Variants in KCNQ1 observed in about 807,000 individuals in gnomAD.
KCNQ1 encodes potassium voltage-gated channel subfamily KQT member 1.
In KCNQ1, 49 loss-of-function variants were observed where a neutral mutation model predicts 72.4. The observed-to-expected ratio is 0.68, with a 90% CI of 0.54 to 0.86. The LOEUF is 0.86. Ranked by LOEUF, KCNQ1 falls within the 40% of genes least tolerant of loss-of-function variation. The probability of loss-of-function intolerance (pLI) is 0.00; values close to 1 mark genes in which losing one functional copy is unlikely to be tolerated. For synonymous variants in KCNQ1, 450 were observed against 412.6 expected, an observed-to-expected ratio of 1.09 and a Z score of -1.10; for missense variants, 790 against 945.1, an observed-to-expected ratio of 0.84 and a Z score of 2.15.
intron 6 of KCNQ1, among the ~76,000 whole-genome samples, chr11:2,576,323 G>A (rs1848422178): frequency 6.6e-6 from 1 of 152,214 alleles, no homozygotes; most frequent in African/African-American, 2.4e-5. Flanking sequence ...CAACTTGGAT[G>A]TGAGAACTCT....
chr11:2,731,176 A>G (rs563272210), intron 11 of KCNQ1, among the ~76,000 whole-genome samples: 6 of 152,272 alleles, frequency 3.9e-5, no homozygotes, highest in African/African-American at 1.4e-4. Flanking sequence ...GCCCCTAGGT[A>G]CAGTCCCCTG....
intron 2 of KCNQ1, among the ~76,000 whole-genome samples, 196 bp from the exon 3 acceptor site, chr11:2,570,432 G>C (rs112602494): frequency 0.011 from 1,632 of 152,306 alleles, 26 homozygotes; most frequent in African/African-American, 0.037. Context: ...CTATGGACAT[G>C]AGCTGAAGCT....
intron 11 of KCNQ1, among the ~76,000 whole-genome samples, chr11:2,749,821 T>A (rs1158331747): frequency 6.9e-6 from 1 of 145,122 alleles, no homozygotes; most frequent in African/African-American, 2.6e-5. Flanking sequence ...TCAAAAAATA[T>A]ATATATATTA....
intron 11 of KCNQ1, among the ~76,000 whole-genome samples, chr11:2,722,051 C>A (rs779711871): frequency 3.0e-4 from 45 of 152,180 alleles, no homozygotes; most frequent in Non-Finnish European, 6.0e-4. Context: ...GGCCGCCTCA[C>A]CTCCATGGGG....
At position 2,658,126 on chromosome 11, in the gene KCNQ1, A is replaced by G. The variant is rs1474388024; in HGVS notation, c.1394-3835A>G. The G allele has an allele frequency of 2.0e-5, 8 of 398,492 alleles. No homozygotes were observed. The Admixed American group carries it at 3.1e-4, about 15-fold the overall frequency. 24.7% of individuals were successfully genotyped at this position (398,492 alleles called of 1,614,324 possible). On this transcript the variant is annotated intron_variant, in intron 10 of 15. Transcript: ENST00000155840. This position sits in a 1 kb window ranked among gnomAD's most constrained non-coding sequence, Gnocchi z 4.9. Reference sequence around the variant, plus strand: ...GGAGAGTATCAAAAAAAATCTGCAAATATGTTAAAACTACCACAGCAATTA... The same window carrying G: ...GGAGAGTATCAAAAAAAATCTGCAAGTATGTTAAAACTACCACAGCAATTA...
At chr11:2,756,199 G>A (rs1846295504) in intron 11 of KCNQ1, among the ~76,000 whole-genome samples, 1 of 152,220 alleles carries the variant, frequency 6.6e-6, no homozygotes, top group South Asian at 2.1e-4. Flanking sequence ...ACTCTGGTGT[G>A]TGGACGAGTG....
Position 2,762,544 on chromosome 11 carries a change from C to T in KCNQ1, c.1515-6300C>T, listed in dbSNP as rs564729561. On this transcript the variant is annotated intron_variant, in intron 11 of 15. Coordinates refer to ENST00000155840, the MANE Select transcript of KCNQ1 (RefSeq NM_000218.3). The surrounding 1 kb of genome is among the most constrained non-coding windows in gnomAD (Gnocchi z 4.3). ...GGGTTTGTGTGTCTAATGTCCTATT[C>T]CACGGGTCCCCAGGCCACAGACCGG... is the stretch of plus-strand genomic sequence containing the variant. Among the ~76,000 whole-genome samples the T allele has an allele frequency of 1.3e-5, 2 of 152,184 alleles. No individual in the cohort carries two copies. The highest frequency in any genetic ancestry group is 2.9e-5 in the Non-Finnish European group (2 of 68,036).
Position 2,486,091 on chromosome 11 carries a change from T to C in KCNQ1, c.386+40607T>C, listed in dbSNP as rs1382338491. 2.0e-5 allele frequency among the ~76,000 whole-genome samples: 3 copies of C among 152,238 alleles called. No homozygotes were observed. Among genetic ancestry groups the C allele is most frequent in the Non-Finnish European group, 2.9e-5 (2 of 68,044 alleles). On this transcript the variant is annotated intron_variant, in intron 1 of 15. Transcript: ENST00000155840. The surrounding 1 kb of genome is among the most constrained non-coding windows in gnomAD (Gnocchi z 5.0). ...GAATTTCTGGATTATATGGTAATTA[T>C]AGTTTTAATTTCTTGAGGAACCACT...
intron 15 of KCNQ1, among the ~76,000 whole-genome samples, chr11:2,804,245 C>G (rs1847331511): frequency 6.6e-6 from 1 of 152,192 alleles, no homozygotes; most frequent in Admixed American, 6.5e-5. Context: ...TCCACCGAGC[C>G]CTGCAAATGC....
chr11:2,618,046 C>T (rs1849097419), intron 10 of KCNQ1: 3 of 398,286 alleles, frequency 7.5e-6, no homozygotes, highest in Non-Finnish European at 1.3e-5. Flanking sequence ...TGATGGTATA[C>T]CAATTATTTG....
Position 2,704,509 on chromosome 11 carries a change from G to T in KCNQ1, c.1514+42428G>T, listed in dbSNP as rs368051889. ...GTCCTTTTGGGCCTTGTAGGCTGTC[G>T]TCAGAGGGGAGGCACAGTGGGGAGT... On this transcript the variant is annotated intron_variant, in intron 11 of 15. Transcript: ENST00000155840. The surrounding 1 kb of genome is among the most constrained non-coding windows in gnomAD (Gnocchi z 4.3). Among the ~76,000 whole-genome samples, 11 of 152,212 alleles carry T rather than the reference G, an allele frequency of 7.2e-5. No individual in the cohort carries two copies. The highest frequency in any genetic ancestry group is 1.6e-4 in the Non-Finnish European group (11 of 68,048).
intron 11 of KCNQ1, among the ~76,000 whole-genome samples, chr11:2,749,693 G>T (rs1846195990): frequency 6.6e-6 from 1 of 150,842 alleles, no homozygotes; most frequent in Non-Finnish European, 1.5e-5. Flanking sequence ...GGCGCCTGTG[G>T]TCCCAGCTAC....
rs1228084072 is a variant in KCNQ1, at chr11:2,759,862, G to A, written c.1515-8982G>A. ...TCCAGGCCCAGCCCCACCCTGAGCT[G>A]TACTGGACCCAAGCCCCAGGACCCC... is the stretch of plus-strand genomic sequence containing the variant. On this transcript the variant is annotated intron_variant, in intron 11 of 15. Transcript: ENST00000155840. The surrounding 1 kb of genome is among the most constrained non-coding windows in gnomAD (Gnocchi z 4.4). Among the ~76,000 whole-genome samples, 1 of 152,108 alleles carries A rather than the reference G, an allele frequency of 6.6e-6. No individual in the cohort carries two copies.
chr11:2,449,705 G>T (rs573440685), intron 1 of KCNQ1, among the ~76,000 whole-genome samples: 2 of 152,332 alleles, frequency 1.3e-5, no homozygotes, highest in East Asian at 3.9e-4. Context: ...CACCGAGGGT[G>T]TCAGAGTGAC....
chr11:2,799,998 T>C (rs535558111), intron 15 of KCNQ1, among the ~76,000 whole-genome samples: 54 of 151,798 alleles, frequency 3.6e-4, no homozygotes, highest in South Asian at 6.3e-4. Context: ...TGCCTAAGGG[T>C]GGGGTAGAAG....
intron 2 of KCNQ1, among the ~76,000 whole-genome samples, chr11:2,557,859 C>T (rs759404740): frequency 7.2e-5 from 11 of 152,190 alleles, no homozygotes; most frequent in Admixed American, 1.3e-4. Context: ...ACTATCACTT[C>T]GAACCCTAGT....
chr11:2,471,665 CATGGGTGTGCACATGTGT>C lies in KCNQ1; in HGVS notation c.386+26193_386+26210del, dbSNP rs1343777612. On this transcript the variant is annotated intron_variant, in intron 1 of 15. Transcript: ENST00000155840. This position sits in a 1 kb window ranked among gnomAD's most constrained non-coding sequence, Gnocchi z 4.8. The stretch of plus-strand genomic sequence containing the variant: ...GTGTACACATGTGTATGGGTGTGTG[CATGGGTGTGCACATGTGT>C]ATGGGTGTGCATGTGTGTATAGGTG... Among the ~76,000 whole-genome samples, 2 of 146,296 alleles carry C rather than the reference CATGGGTGTGCACATGTGT, an allele frequency of 1.4e-5. No homozygotes were observed. Among genetic ancestry groups the C allele is most frequent in the African/African-American group, 2.6e-5 (1 of 39,010 alleles).
Position 2,711,641 on chromosome 11 carries a change from G to T in KCNQ1, c.1514+49560G>T, listed in dbSNP as rs568972396. On this transcript the variant is annotated intron_variant, in intron 11 of 15. Coordinates refer to ENST00000155840, the MANE Select transcript of KCNQ1 (RefSeq NM_000218.3). This position sits in a 1 kb window ranked among gnomAD's most constrained non-coding sequence, Gnocchi z 5.4. Reference sequence around the variant, plus strand: ...CACAGGGTCCCACAGAGGGTCTGTGGGTACAATGGAGCTATTTCCCAGTCA... The same window carrying T: ...CACAGGGTCCCACAGAGGGTCTGTGTGTACAATGGAGCTATTTCCCAGTCA... Among the ~76,000 whole-genome samples, 1 of 152,224 alleles carries T rather than the reference G, an allele frequency of 6.6e-6. No homozygotes were observed. Among genetic ancestry groups the T allele is most frequent in the East Asian group, 1.9e-4 (1 of 5,178 alleles).
intron 2 of KCNQ1, among the ~76,000 whole-genome samples, chr11:2,532,946 C>A (rs542845020): frequency 6.6e-6 from 1 of 152,276 alleles, no homozygotes; most frequent in East Asian, 1.9e-4. Flanking sequence ...GGCGGGAAGG[C>A]CTGTAGACGC....
Sources: allele counts gnomAD v4.1 joint callset (sites outside exome capture counted in the v4.1 genomes callset), GRCh38; gene constraint gnomAD v4.1.1; non-coding constraint Gnocchi (gnomAD v3.1); transcripts MANE v1.5; gene names NCBI Gene and HGNC (gene_info 2026-07-23, HGNC 2026-07-21).